Variants in CXCR2 observed in about 807,000 individuals in gnomAD.
CXCR2 encodes C-X-C motif chemokine receptor 2.
CXCR2 carries 2 observed loss-of-function variants against 3.7 expected under a neutral mutation model. The ratio of observed to expected loss-of-function variants is 0.55; its 90% CI spans 0.22 to 1.72. The LOEUF (loss-of-function observed/expected upper bound fraction) is 1.72, where lower values mean the gene tolerates loss of function less well. Ranked by LOEUF, CXCR2 falls within the 40% of genes most tolerant of loss-of-function variation. The probability of loss-of-function intolerance (pLI) is 0.19; values close to 1 mark genes in which losing one functional copy is unlikely to be tolerated. For synonymous variants in CXCR2, 203 were observed against 193.3 expected, an observed-to-expected ratio of 1.05 and a Z score of -0.41; for missense variants, 351 against 450.1, an observed-to-expected ratio of 0.78 and a Z score of 1.99.
At chr2:218,134,580 A>G (rs1324379209) in intron 2 of CXCR2, among the ~76,000 whole-genome samples, 197 bp from the exon 3 acceptor site, 2 of 152,224 alleles carry the variant, frequency 1.3e-5, no homozygotes, top group African/African-American at 2.4e-5. Flanking sequence ...AAAGAGAACT[A>G]TGGTCCTCTC....
chr2:218,135,009 A>C lies in CXCR2; in HGVS notation c.208A>C (p.Met70Leu). 6.2e-7 allele frequency: 1 copy of C among 1,614,118 alleles called. No homozygotes were observed. Among genetic ancestry groups the C allele is most frequent in the South Asian group, 1.1e-5 (1 of 91,070 alleles). Reference protein sequence around the residue: ...LLSLLGNSLVMLVILYSRVGR... With the variant: ...LLSLLGNSLVLLVILYSRVGR... ...GAGCCTGCTGGGAAACTCCCTCGTG[A>C]TGCTGGTCATCTTATACAGCAGGGT... Residue 70 changes from methionine (M) to leucine (L), a missense_variant, in exon 3 of 3, where the codon ATG becomes CTG. By Grantham distance (15) the Met-to-Leu change is conservative (BLOSUM62 2). Transcript: ENST00000318507. The surrounding 1 kb of genome is among the most constrained non-coding windows in gnomAD (Gnocchi z 4.0).
In CXCR2 at chr2:218,135,765, C is replaced by T. The variant is rs1298311873; in HGVS notation, c.964C>T (p.Arg322Cys). ...CTACGCCTTCATTGGCCAGAAGTTT[C>T]GCCATGGACTCCTCAAGATTCTAGC... The part of the protein sequence containing the change: ...LIYAFIGQKF[R>C]HGLLKILAIH... The change falls in exon 3 of 3, where the codon CGC (arginine) becomes TGC (cysteine). Residue 322 changes from arginine (R) to cysteine (C), a missense_variant. Transcript: ENST00000318507. The surrounding 1 kb of genome is among the most constrained non-coding windows in gnomAD (Gnocchi z 4.0). The T allele has an allele frequency of 4.3e-6, 7 of 1,613,974 alleles. No homozygotes were observed. Among genetic ancestry groups the T allele is most frequent in the South Asian group, 1.1e-5 (1 of 91,080 alleles).
chr2:218,129,717 C>CA (rs5838680), intron 2 of CXCR2, among the ~76,000 whole-genome samples: 90,890 of 152,038 alleles, frequency 0.6, 28,443 homozygotes, highest in African/African-American at 0.78. Context: ...ACACTAAATG[C>CA]AATATTTGTG....
At chr2:218,127,029 G>A (rs886208130) in intron 1 of CXCR2, among the ~76,000 whole-genome samples, 1 of 152,042 alleles carries the variant, frequency 6.6e-6, no homozygotes, top group African/African-American at 2.4e-5. Context: ...TAGCTAGCAT[G>A]CTGAACAGAA....
At position 218,136,239 on chromosome 2, in the gene CXCR2, C is replaced by T. The variant is rs17844765; in HGVS notation, c.*355C>T. The T allele has an allele frequency of 0.014, 2,846 of 199,492 alleles. 29 individuals carry two copies. Among genetic ancestry groups the T allele is most frequent in the South Asian group, 0.046 (268 of 5,848 alleles). 12.4% of individuals were successfully genotyped at this position (199,492 alleles called of 1,614,324 possible). ...AAAGAAAGAAAATCAGGCTGGCCAA[C>T]GGGGTGAAACCCTGTCTCTACTAAA... On this transcript the variant is annotated 3_prime_UTR_variant, in exon 3 of 3. Coordinates refer to ENST00000318507, the MANE Select transcript of CXCR2 (RefSeq NM_001557.4).
chr2:218,135,655 C>G lies in CXCR2; in HGVS notation c.854C>G (p.Thr285Ser), dbSNP rs201881186. 5.0e-6 allele frequency: 8 copies of G among 1,614,142 alleles called. No individual in the cohort carries two copies. The highest frequency in any genetic ancestry group is 1.1e-5 in the South Asian group (1 of 91,072). Residue 285 changes from threonine (T) to serine (S), a missense_variant, in exon 3 of 3, where the codon ACC (threonine) becomes AGC (serine). Physicochemically the swap from Thr to Ser is moderately conservative, Grantham distance 58. Coordinates refer to ENST00000318507, the MANE Select transcript of CXCR2 (RefSeq NM_001557.4). This position sits in a 1 kb window ranked among gnomAD's most constrained non-coding sequence, Gnocchi z 4.0. ...TLMRTQVIQE[T>S]CERRNHIDRA... Reference sequence around the variant, plus strand: ...ATGAGGACCCAGGTGATCCAGGAGACCTGTGAGCGCCGCAATCACATCGAC... The same window carrying G: ...ATGAGGACCCAGGTGATCCAGGAGAGCTGTGAGCGCCGCAATCACATCGAC...
In CXCR2 at chr2:218,135,272, G is replaced by A. The variant is rs146545386; in HGVS notation, c.471G>A (p.Gln157=). 2.2e-4 allele frequency: 358 copies of A among 1,614,082 alleles called. No individual in the cohort carries two copies. The highest frequency in any genetic ancestry group is 2.9e-4 in the Non-Finnish European group (345 of 1,180,046). Residue 157 remains glutamine, a synonymous_variant, in exon 3 of 3, where the codon CAG becomes CAA. Coordinates refer to ENST00000318507, the MANE Select transcript of CXCR2 (RefSeq NM_001557.4). This position sits in a 1 kb window ranked among gnomAD's most constrained non-coding sequence, Gnocchi z 4.0. ...AIVHATRTLT[Q]KRYLVKFICL... ...TCCATGCCACACGCACACTGACCCA[G>A]AAGCGCTACTTGGTCAAATTCATAT...
chr2:218,135,807 A>G lies in CXCR2; in HGVS notation c.1006A>G (p.Ser336Gly). The G allele has an allele frequency of 6.2e-7, 1 of 1,614,110 alleles. No homozygotes were observed. ...GATTCTAGCTATACATGGCTTGATC[A>G]GCAAGGACTCCCTGCCCAAAGACAG... ...LKILAIHGLI[S>G]KDSLPKDSRP... is the part of the protein sequence containing the mutation. Residue 336 changes from serine (S) to glycine (G), a missense_variant, in exon 3 of 3, where the codon AGC (serine) becomes GGC (glycine). By Grantham distance (56) the Ser-to-Gly change is moderately conservative. Transcript: ENST00000318507. This position sits in a 1 kb window ranked among gnomAD's most constrained non-coding sequence, Gnocchi z 4.0.
intron 2 of CXCR2, among the ~76,000 whole-genome samples, chr2:218,131,807 T>C (rs1690654766): frequency 6.6e-6 from 1 of 151,420 alleles, no homozygotes; most frequent in South Asian, 2.1e-4. Context: ...TACAACTGAT[T>C]GAATCTTCTC....
chr2:218,131,482 T>TC (rs1690644654), intron 2 of CXCR2, among the ~76,000 whole-genome samples: 1 of 151,162 alleles, frequency 6.6e-6, no homozygotes, highest in Non-Finnish European at 1.5e-5. Context: ...TTTTTTTTTT[T>TC]TTTTTTGAGA....
rs527528633 is a variant in CXCR2, at chr2:218,137,194, G to C, written c.*1310G>C. 6.0e-6 allele frequency: 1 copy of C among 167,020 alleles called. No homozygotes were observed. The highest frequency in any genetic ancestry group is 2.4e-5 in the African/African-American group (1 of 41,482). 10.3% of individuals were successfully genotyped at this position (167,020 alleles called of 1,614,324 possible). A position where few individuals can be genotyped will look rare whatever the true frequency, so the allele number is the denominator to read the frequency against. On this transcript the variant is annotated 3_prime_UTR_variant, in exon 3 of 3. Transcript: ENST00000318507. ...CTAGAACCACCTGCCTATATTTTTT[G>C]TTAAATGATTTCATTCAATATCTTT...
intron 1 of CXCR2, among the ~76,000 whole-genome samples, chr2:218,127,195 C>T (rs957889660): frequency 2.6e-5 from 4 of 152,192 alleles, no homozygotes; most frequent in African/African-American, 7.2e-5. Context: ...GGCACAATCT[C>T]GGCTCACTGC....
At chr2:218,131,157 T>C (rs1329667415) in intron 2 of CXCR2, among the ~76,000 whole-genome samples, 1 of 152,252 alleles carries the variant, frequency 6.6e-6, no homozygotes, top group African/African-American at 2.4e-5. Context: ...CAATATGCCC[T>C]ACATCTACTC....
rs184957648 is a variant in CXCR2 at position 218,132,647 on chromosome 2, A to G, written c.-25-2130A>G. The stretch of plus-strand genomic sequence containing the variant: ...GTACTAAATACTGTAGGTAATTATA[A>G]CACAATGGTATTCTTATATATAAAC... On this transcript the variant is annotated intron_variant, in intron 2 of 2. Coordinates refer to ENST00000318507, the MANE Select transcript of CXCR2 (RefSeq NM_001557.4). Among the ~76,000 whole-genome samples, 625 of 152,334 alleles carry G rather than the reference A, an allele frequency of 4.1e-3. 3 individuals are homozygous for G. Among genetic ancestry groups the G allele is most frequent in the Non-Finnish European group, 4.1e-3 (279 of 68,036 alleles).
intron 2 of CXCR2, among the ~76,000 whole-genome samples, chr2:218,130,100 T>C (rs1690605451): frequency 6.6e-6 from 1 of 152,116 alleles, no homozygotes; most frequent in Non-Finnish European, 1.5e-5. Context: ...GAGTGGACCA[T>C]ATACAGGTTG....
intron 1 of CXCR2, among the ~76,000 whole-genome samples, chr2:218,128,237 T>C (rs138948479): frequency 2.0e-5 from 3 of 152,348 alleles, no homozygotes; most frequent in African/African-American, 4.8e-5. Flanking sequence ...TATCTGGTTT[T>C]AGCATCAACT....
At position 218,135,630 on chromosome 2, in the gene CXCR2, A is replaced by C; in HGVS notation, c.829A>C (p.Met277Leu). Residue 277 changes from methionine to leucine, a missense_variant, in exon 3 of 3, where the codon ATG (methionine) becomes CTG (leucine). Transcript: ENST00000318507. This position sits in a 1 kb window ranked among gnomAD's most constrained non-coding sequence, Gnocchi z 4.0. ...YNLVLLADTLMRTQVIQETCE... is the reference protein window; with the variant it reads ...YNLVLLADTLLRTQVIQETCE... ...CCTGGTCCTGCTGGCAGACACCCTC[A>C]TGAGGACCCAGGTGATCCAGGAGAC... The C allele has an allele frequency of 6.2e-7, 1 of 1,613,812 alleles. No homozygotes were observed. Among genetic ancestry groups the C allele is most frequent in the Non-Finnish European group, 8.5e-7 (1 of 1,179,956 alleles).
At chr2:218,132,265 C>T (rs1203317356) in intron 2 of CXCR2, among the ~76,000 whole-genome samples, 1 of 152,198 alleles carries the variant, frequency 6.6e-6, no homozygotes, top group Non-Finnish European at 1.5e-5. Flanking sequence ...TCCCCTTGAC[C>T]CTGGAAACCA....
upstream of CXCR2, chr2:218,125,496 C>T (rs973769577): frequency 2.0e-5 from 3 of 151,934 alleles, no homozygotes; most frequent in African/African-American, 4.8e-5. Flanking sequence ...AATCTCTACA[C>T]GCTATTCTGT....
Sources: allele counts gnomAD v4.1 joint callset (sites outside exome capture counted in the v4.1 genomes callset), GRCh38; gene constraint gnomAD v4.1.1; non-coding constraint Gnocchi (gnomAD v3.1); transcripts MANE v1.5; gene names NCBI Gene and HGNC (gene_info 2026-07-23, HGNC 2026-07-21).